The following FARP2 variants were observed in gnomAD, a reference collection of about 807,000 sequenced individuals.
The protein encoded by FARP2 is FERM, ARHGEF and pleckstrin domain-containing protein 2.
Under a neutral mutation model 130.5 loss-of-function variants are expected in FARP2, and 111 were observed. The observed-to-expected ratio is 0.85, with a 90% CI of 0.73 to 1.00. The LOEUF is 1.00. FARP2 is among the 50% of genes least tolerant of loss of function. FARP2 has a pLI of 0.00. For missense variants in FARP2, 1,385 were observed against 1,346.3 expected (o/e 1.03, Z -0.45); for synonymous variants, 504 against 516.9 (o/e 0.98, Z 0.34).
chr2:241,358,732 C>T (rs1466849640), intron 1 of FARP2, among the ~76,000 whole-genome samples: 2 of 152,138 alleles, frequency 1.3e-5, no homozygotes, highest in Non-Finnish European at 2.9e-5. Context: ...GAGGTAATTC[C>T]GGTCATGTTC....
intron 13 of FARP2, among the ~76,000 whole-genome samples, chr2:241,456,007 C>T (rs2063825611): frequency 6.6e-6 from 1 of 151,966 alleles, no homozygotes; most frequent in Non-Finnish European, 1.5e-5. Flanking sequence ...CATAGAAAAA[C>T]ATTAGAAATT....
chr2:241,454,158 A>G (rs2063770036), intron 13 of FARP2, among the ~76,000 whole-genome samples: 1 of 152,044 alleles, frequency 6.6e-6, no homozygotes, highest in South Asian at 2.1e-4. Context: ...CAGCAGCGTC[A>G]TAGCAGCACA....
chr2:241,431,695 A>G lies in FARP2; in HGVS notation c.788A>G (p.Asn263Ser), dbSNP rs765404341. The G allele has an allele frequency of 4.4e-6, 7 of 1,595,918 alleles. No individual in the cohort carries two copies. The highest frequency in any genetic ancestry group is 3.4e-5 in the Admixed American group (2 of 59,128). Residue 263 changes from asparagine to serine, a missense_variant, in exon 9 of 27, where the codon AAC (asparagine) becomes AGC (serine). Coordinates refer to ENST00000264042, the MANE Select transcript of FARP2 (RefSeq NM_014808.4). ...GCATTTCAGGGCACCACCAAAATCA[A>G]CACTTTCAACTGGTCCAAGGTCCGT... ...VLVFQGTTKI[N>S]TFNWSKVRKL... is the part of the protein sequence containing the mutation.
intron 12 of FARP2, 23 bp from the exon 13 acceptor site, chr2:241,441,281 C>A: frequency 1.3e-6 from 2 of 1,540,220 alleles, no homozygotes; most frequent in Admixed American, 2.1e-5. Flanking sequence ...TCCTTTTTTT[C>A]TTTTCTTAAC....
At chr2:241,434,435 A>C in intron 10 of FARP2, 114 bp downstream of exon 10, 1 of 741,118 alleles carries the variant, frequency 1.3e-6, no homozygotes, top group East Asian at 3.0e-5. Context: ...AATTACACAC[A>C]AAGTGGAGGT....
chr2:241,375,614 A>G (rs1200728951), intron 2 of FARP2, among the ~76,000 whole-genome samples: 2 of 152,240 alleles, frequency 1.3e-5, no homozygotes, highest in African/African-American at 2.4e-5. Context: ...TGTCAGTTTT[A>G]ATAAATTGAG....
At chr2:241,468,474 G>A in intron 18 of FARP2, 97 bp downstream of exon 18, 1 of 869,258 alleles carries the variant, frequency 1.2e-6, no homozygotes, top group Non-Finnish European at 1.8e-6. Flanking sequence ...TCACTGGGAA[G>A]CGCAGGAGTC....
At chr2:241,439,846 T>A (rs1275788633) in intron 12 of FARP2, among the ~76,000 whole-genome samples, 1 of 152,052 alleles carries the variant, frequency 6.6e-6, no homozygotes, top group Non-Finnish European at 1.5e-5. Flanking sequence ...TAATCCCAGC[T>A]ACTCGGGAGG....
At chr2:241,438,241 C>T (rs1431698022) in intron 12 of FARP2, among the ~76,000 whole-genome samples, 1 of 152,170 alleles carries the variant, frequency 6.6e-6, no homozygotes, top group African/African-American at 2.4e-5. Flanking sequence ...TCAGAAGCTA[C>T]ACTTGCACCT....
chr2:241,450,468 C>A (rs2063622942), intron 13 of FARP2, among the ~76,000 whole-genome samples: 1 of 148,584 alleles, frequency 6.7e-6, no homozygotes, highest in South Asian at 2.1e-4. Flanking sequence ...GAGTTCAAGA[C>A]CAGCCTGGCC....
chr2:241,391,189 A>C (rs765718940), intron 2 of FARP2, among the ~76,000 whole-genome samples: 1 of 152,132 alleles, frequency 6.6e-6, no homozygotes, highest in Admixed American at 6.5e-5. Flanking sequence ...GAACTAAGCT[A>C]CTCTTCTGTT....
At position 241,415,989 on chromosome 2, in the gene FARP2, C is replaced by CTCTCTG. The variant is rs764755388; in HGVS notation, c.624-1972_624-1971insCTCTGT. Reference sequence around the variant, plus strand: ...AAAGAACTGGACCCTCAGGGTAGTTCTGTGTGTGTGTGTGTGTGTGTGTGT... The same window carrying CTCTCTG: ...AAAGAACTGGACCCTCAGGGTAGTTCTCTCTGTGTGTGTGTGTGTGTGTGTGTGTGT... On this transcript the variant is annotated intron_variant, in intron 7 of 26. Transcript: ENST00000264042. Among the ~76,000 whole-genome samples the CTCTCTG allele has an allele frequency of 4.1e-3, 578 of 141,772 alleles. 3 individuals are homozygous for CTCTCTG. Among genetic ancestry groups the CTCTCTG allele is most frequent in the African/African-American group, 0.014 (524 of 37,116 alleles). 93.0% of individuals were successfully genotyped at this position (141,772 alleles called of 152,430 possible). A position where few individuals can be genotyped will look rare whatever the true frequency, so the allele number is the denominator to read the frequency against.
At chr2:241,442,602 G>T (rs2150418526) in intron 13 of FARP2, 5 of 349,888 alleles carry the variant, frequency 1.4e-5, no homozygotes, top group East Asian at 7.8e-5. Context: ...AGAATTGTTT[G>T]GTTTAAACAC....
chr2:241,483,320 T>C (rs369214952), intron 19 of FARP2, 145 bp from the exon 20 acceptor site: 38 of 681,936 alleles, frequency 5.6e-5, no homozygotes, highest in East Asian at 3.2e-4. Context: ...AGGAGCCCCA[T>C]TGGGAGGCTC....
intron 2 of FARP2, among the ~76,000 whole-genome samples, chr2:241,390,011 T>G (rs1169373088): frequency 6.6e-6 from 1 of 152,208 alleles, no homozygotes; most frequent in Non-Finnish European, 1.5e-5. Context: ...GGGCCCACAC[T>G]TGGACCCTGC....
chr2:241,436,210 A>G (rs1425790909), intron 11 of FARP2, among the ~76,000 whole-genome samples: 4 of 152,082 alleles, frequency 2.6e-5, no homozygotes, highest in Non-Finnish European at 5.9e-5. Context: ...CGCCCGGCCT[A>G]TAGTAAACAT....
At chr2:241,427,583 G>A (rs1469574939) in intron 8 of FARP2, among the ~76,000 whole-genome samples, 1 of 152,092 alleles carries the variant, frequency 6.6e-6, no homozygotes, top group African/African-American at 2.4e-5. Flanking sequence ...TATAGATTGG[G>A]GTACTGGGGT....
At chr2:241,373,672 G>A (rs1008643955) in intron 2 of FARP2, among the ~76,000 whole-genome samples, 2 of 152,178 alleles carry the variant, frequency 1.3e-5, no homozygotes, top group African/African-American at 4.8e-5. Context: ...ATGTGTGTCA[G>A]CTTCCTTTTC....
intron 8 of FARP2, among the ~76,000 whole-genome samples, chr2:241,430,938 T>A (rs1485958411): frequency 6.6e-6 from 1 of 151,486 alleles, no homozygotes; most frequent in African/African-American, 2.4e-5. Flanking sequence ...AGGCGGAGGT[T>A]ACAGCGAATG....
Sources: allele counts gnomAD v4.1 joint callset (sites outside exome capture counted in the v4.1 genomes callset), GRCh38; gene constraint gnomAD v4.1.1; transcripts MANE v1.5; gene names NCBI Gene and HGNC (gene_info 2026-07-23, HGNC 2026-07-21).